The following EIF2AK4 variants were observed in gnomAD, a reference collection of about 807,000 sequenced individuals.
EIF2AK4 encodes the protein eukaryotic translation initiation factor 2 alpha kinase 4, also known as eIF-2-alpha kinase GCN2.
Under a neutral mutation model 211.1 loss-of-function variants are expected in EIF2AK4, and 139 were observed. The observed-to-expected ratio is 0.66, with a 90% CI of 0.57 to 0.76. EIF2AK4 has a LOEUF of 0.76. Among genes scored for constraint, EIF2AK4 ranks in the 30% least tolerant of loss-of-function variants. The probability of loss-of-function intolerance (pLI) is 0.00; values close to 1 mark genes in which losing one functional copy is unlikely to be tolerated. For missense variants in EIF2AK4, 1,664 were observed against 2,043.8 expected (o/e 0.81, Z 3.58); for synonymous variants, 710 against 751.3 (o/e 0.94, Z 0.90).
At chr15:39,980,395 T>C (rs752079663) in intron 13 of EIF2AK4, among the ~76,000 whole-genome samples, 8 of 152,274 alleles carry the variant, frequency 5.3e-5, no homozygotes, top group Non-Finnish European at 8.8e-5. Flanking sequence ...ATAATTCTTA[T>C]GCCAGTTTGT....
In EIF2AK4 at chr15:40,017,501, C is replaced by CTTTTTATATA. The variant is rs1363648720; in HGVS notation, c.4065+260_4065+261insTTTTATATAT. ...GGCTCATGTACCCTTTACTCTGTTT[C>CTTTTTATATA]TATATATATATATATATATATATAT... On this transcript the variant is annotated intron_variant, in intron 29 of 38. Coordinates refer to ENST00000263791, the MANE Select transcript of EIF2AK4 (RefSeq NM_001013703.4). 1.9e-4 allele frequency among the ~76,000 whole-genome samples: 5 copies of CTTTTTATATA among 26,128 alleles called. 1 individual carries two copies. Among genetic ancestry groups the CTTTTTATATA allele is most frequent in the African/African-American group, 6.3e-4 (4 of 6,358 alleles). 17.1% of individuals were successfully genotyped at this position (26,128 alleles called of 152,430 possible). A position where few individuals can be genotyped will look rare whatever the true frequency, so the allele number is the denominator to read the frequency against.
chr15:39,939,595 TGCCCA>T lies in EIF2AK4; in HGVS notation c.236_240del (p.Cys79SerfsTer9). On this transcript the variant is annotated frameshift_variant, in exon 2 of 39. Coordinates refer to ENST00000263791, the MANE Select transcript of EIF2AK4 (RefSeq NM_001013703.4). LOFTEE classifies it high-confidence loss of function. ...TGTAAAAGTGGATTTGAGGGTTAAA[TGCCCA>T]CCTACCTATCCAGATGTGTGAGTAC... The T allele has an allele frequency of 6.2e-7, 1 of 1,612,574 alleles. No individual in the cohort carries two copies. Among genetic ancestry groups the T allele is most frequent in the Non-Finnish European group, 8.5e-7 (1 of 1,179,034 alleles).
At chr15:39,940,578 A>G (rs2034130812) in intron 2 of EIF2AK4, among the ~76,000 whole-genome samples, 1 of 152,194 alleles carries the variant, frequency 6.6e-6, no homozygotes, top group Admixed American at 6.5e-5. Flanking sequence ...TAGTAGGTAT[A>G]CTATACATAC....
rs1296762111 is a variant in EIF2AK4, at chr15:39,947,076, C to G, written c.361-2040C>G. ...GCCATGTCTCAGAGGGCCGCCTGTG[C>G]TAGCATTCATCTGAGTCATCGTCAT... is the stretch of plus-strand genomic sequence containing the variant. On this transcript the variant is annotated intron_variant, in intron 3 of 38. Transcript: ENST00000263791. Among the ~76,000 whole-genome samples the G allele has an allele frequency of 2.0e-5, 3 of 152,106 alleles. No homozygotes were observed. In the East Asian group the frequency reaches 5.8e-4, roughly 29 times the overall value.
At chr15:40,023,019 G>A (rs1001910187) in intron 32 of EIF2AK4, among the ~76,000 whole-genome samples, 7 of 152,198 alleles carry the variant, frequency 4.6e-5, no homozygotes, top group African/African-American at 1.7e-4. Flanking sequence ...CAGCCACCGC[G>A]CCCGGCCGTT....
intron 32 of EIF2AK4, among the ~76,000 whole-genome samples, 162 bp downstream of exon 32, chr15:40,022,767 G>A (rs1237788187): frequency 1.3e-5 from 2 of 151,418 alleles, no homozygotes; most frequent in South Asian, 2.1e-4. Flanking sequence ...ACGGAGTCTC[G>A]CTGTCTCCCA....
chr15:40,025,471 G>A (rs751504317), intron 32 of EIF2AK4, among the ~76,000 whole-genome samples: 1 of 152,126 alleles, frequency 6.6e-6, no homozygotes. Flanking sequence ...TGCTGGCCAG[G>A]GGAGTGAAGA....
chr15:39,934,985 T>C (rs1016962765), intron 1 of EIF2AK4, among the ~76,000 whole-genome samples: 1 of 152,146 alleles, frequency 6.6e-6, no homozygotes, highest in South Asian at 2.1e-4. Flanking sequence ...GTCCAATCTT[T>C]TGGCTTCCCT....
intron 29 of EIF2AK4, 141 bp downstream of exon 29, chr15:40,017,383 G>T (rs2035317168): frequency 9.9e-7 from 1 of 1,007,624 alleles, no homozygotes; most frequent in East Asian, 2.7e-5. Flanking sequence ...TTTCATCTAG[G>T]AATAGAAATA....
At chr15:39,973,528 G>A (rs1490366771) in intron 10 of EIF2AK4, 64 bp from the exon 11 acceptor site, 3 of 1,467,718 alleles carry the variant, frequency 2.0e-6, no homozygotes, top group Non-Finnish European at 2.8e-6. Flanking sequence ...CATCATTGTT[G>A]GCTATGTAGC....
intron 13 of EIF2AK4, 31 bp from the exon 14 acceptor site, chr15:39,985,774 T>G: frequency 6.2e-7 from 1 of 1,611,960 alleles, no homozygotes; most frequent in East Asian, 2.2e-5. Flanking sequence ...TGGCCTCCAT[T>G]TTGAGTTATT....
At chr15:39,980,531 G>A (rs1362762534) in intron 13 of EIF2AK4, among the ~76,000 whole-genome samples, 3 of 152,156 alleles carry the variant, frequency 2.0e-5, no homozygotes, top group Admixed American at 1.3e-4. Flanking sequence ...TGCAACTGTT[G>A]CTAACACAAT....
intron 9 of EIF2AK4, 139 bp downstream of exon 9, chr15:39,968,018 C>G: frequency 1.2e-6 from 1 of 826,238 alleles, no homozygotes; most frequent in South Asian, 1.8e-5. Context: ...CAATCCTGTC[C>G]TAGTCTCATA....
intron 4 of EIF2AK4, among the ~76,000 whole-genome samples, chr15:39,949,972 A>G (rs2034284173): frequency 6.6e-6 from 1 of 151,968 alleles, no homozygotes; most frequent in South Asian, 2.1e-4. Context: ...ATCAAAGATA[A>G]TATATGCAAC....
intron 7 of EIF2AK4, among the ~76,000 whole-genome samples, chr15:39,964,516 C>T (rs1447087634): frequency 1.3e-5 from 2 of 151,970 alleles, no homozygotes; most frequent in East Asian, 3.8e-4. Flanking sequence ...CTGCTAAAAT[C>T]CTACAGTGCA....
intron 23 of EIF2AK4, among the ~76,000 whole-genome samples, chr15:40,005,874 A>G (rs113073349): frequency 7.6e-4 from 116 of 152,104 alleles, no homozygotes; most frequent in African/African-American, 2.7e-3. Context: ...CCCGGCCTGC[A>G]TACACTTGAT....
intron 3 of EIF2AK4, chr15:39,946,734 A>C: frequency 1.5e-6 from 1 of 687,838 alleles, no homozygotes. Context: ...GTCTTCTTTT[A>C]AGAAATTGCC....
At chr15:39,995,936 A>G (rs1220311617) in intron 18 of EIF2AK4, among the ~76,000 whole-genome samples, 1 of 152,196 alleles carries the variant, frequency 6.6e-6, no homozygotes, top group Non-Finnish European at 1.5e-5. Flanking sequence ...TATAGTCACC[A>G]TGCCGTGCTT....
At chr15:39,961,921 A>G (rs772738315) in intron 7 of EIF2AK4, 22 bp downstream of exon 7, 13 of 1,573,298 alleles carry the variant, frequency 8.3e-6, no homozygotes, top group Admixed American at 1.7e-5. Flanking sequence ...AGCAAAATCT[A>G]TTCATATTAT....
Sources: allele counts gnomAD v4.1 joint callset (sites outside exome capture counted in the v4.1 genomes callset), GRCh38; gene constraint gnomAD v4.1.1; transcripts MANE v1.5; gene names NCBI Gene and HGNC (gene_info 2026-07-23, HGNC 2026-07-21).